CLSTN2: variants seen among roughly 807,000 people sequenced by gnomAD.
CLSTN2 encodes the protein calsyntenin 2, also known as calsyntenin-2.
Under a neutral mutation model 101.2 loss-of-function variants are expected in CLSTN2, and 48 were observed. That is an observed-to-expected ratio of 0.47 (90% CI 0.38 to 0.60). CLSTN2 has a LOEUF of 0.60. CLSTN2 is among the 20% of genes least tolerant of loss of function. CLSTN2 has a pLI of 0.00. For missense variants in CLSTN2, 1,160 were observed against 1,238.2 expected, an observed-to-expected ratio of 0.94 and a Z score of 0.95; for synonymous variants, 481 against 463.6, an observed-to-expected ratio of 1.04 and a Z score of -0.48.
chr3:140,152,749 G>T (rs957948519), intron 1 of CLSTN2, among the ~76,000 whole-genome samples: 25 of 152,074 alleles, frequency 1.6e-4, no homozygotes, highest in Non-Finnish European at 2.2e-4. Flanking sequence ...TAAGTATAAG[G>T]TTTATAATTT....
chr3:140,387,616 C>G (rs893794755), intron 2 of CLSTN2, among the ~76,000 whole-genome samples: 1 of 152,118 alleles, frequency 6.6e-6, no homozygotes, highest in African/African-American at 2.4e-5. Context: ...TCTCTCTGCC[C>G]GAAGTGGCCC....
chr3:140,238,012 C>A (rs563307395), intron 2 of CLSTN2, among the ~76,000 whole-genome samples: 2 of 152,242 alleles, frequency 1.3e-5, no homozygotes, highest in East Asian at 3.9e-4. Context: ...AATTACAGAG[C>A]AAGGACATCA....
intron 8 of CLSTN2, among the ~76,000 whole-genome samples, chr3:140,498,153 A>G (rs1419688046): frequency 1.3e-5 from 2 of 152,220 alleles, no homozygotes; most frequent in African/African-American, 4.8e-5. Context: ...ACATTTTCTA[A>G]TAATCTAAAG....
At chr3:140,393,773 C>T (rs2088148790) in intron 2 of CLSTN2, among the ~76,000 whole-genome samples, 1 of 152,110 alleles carries the variant, frequency 6.6e-6, no homozygotes, top group East Asian at 1.9e-4. Context: ...TTCTCTACTC[C>T]TGCTTGACAG....
intron 2 of CLSTN2, among the ~76,000 whole-genome samples, chr3:140,234,498 T>C (rs1286604670): frequency 6.6e-6 from 1 of 152,122 alleles, no homozygotes; most frequent in Non-Finnish European, 1.5e-5. Context: ...GCTACCAAGG[T>C]CATAGTGGAG....
chr3:140,156,630 T>A (rs1270502995), intron 1 of CLSTN2, among the ~76,000 whole-genome samples: 1 of 152,180 alleles, frequency 6.6e-6, no homozygotes, highest in African/African-American at 2.4e-5. Context: ...AGTGTGGGGA[T>A]ACTGAGGCAT....
intron 2 of CLSTN2, among the ~76,000 whole-genome samples, chr3:140,289,408 T>C (rs1423863554): frequency 6.6e-6 from 1 of 152,052 alleles, no homozygotes; most frequent in East Asian, 1.9e-4. Context: ...AATCCACTGA[T>C]TTGTATTTTT....
chr3:140,220,851 T>C (rs987930319), intron 2 of CLSTN2, among the ~76,000 whole-genome samples: 1 of 152,234 alleles, frequency 6.6e-6, no homozygotes, highest in Non-Finnish European at 1.5e-5. Context: ...TGCCTCTATG[T>C]GCCCGGGACT....
At chr3:140,171,724 TTA>T (rs1401385659) in intron 1 of CLSTN2, among the ~76,000 whole-genome samples, 4 of 111,996 alleles carry the variant, frequency 3.6e-5, no homozygotes, top group Admixed American at 1.2e-4. Context: ...GTATTATATA[TTA>T]TATATAATAT....
At chr3:140,276,152 G>A (rs2086792693) in intron 2 of CLSTN2, among the ~76,000 whole-genome samples, 1 of 152,168 alleles carries the variant, frequency 6.6e-6, no homozygotes. Context: ...TCCCCATGAG[G>A]TGTAGCTCCA....
At chr3:140,264,412 ATAT>A (rs1403818022) in intron 2 of CLSTN2, among the ~76,000 whole-genome samples, 6 of 65,592 alleles carry the variant, frequency 9.1e-5, no homozygotes, top group African/African-American at 3.0e-4. Context: ...ATATATATAT[ATAT>A]ATATATATAT....
chr3:140,081,975 C>T (rs2008606357), intron 1 of CLSTN2, among the ~76,000 whole-genome samples: 1 of 152,176 alleles, frequency 6.6e-6, no homozygotes, highest in South Asian at 2.1e-4. Flanking sequence ...TGGCTCACCA[C>T]CCTCCACCTA....
chr3:140,193,888 T>G (rs1684409348), intron 2 of CLSTN2, among the ~76,000 whole-genome samples: 1 of 152,174 alleles, frequency 6.6e-6, no homozygotes, highest in Non-Finnish European at 1.5e-5. Context: ...TGTGCATTGA[T>G]TCTTTCCTCC....
At chr3:140,109,794 A>G (rs920291891) in intron 1 of CLSTN2, among the ~76,000 whole-genome samples, 115 of 152,250 alleles carry the variant, frequency 7.6e-4, no homozygotes, top group African/African-American at 2.6e-3. Flanking sequence ...ATGCCTGAGA[A>G]CTTGGATTTT....
At chr3:139,954,962 G>A (rs1560052881) in intron 1 of CLSTN2, among the ~76,000 whole-genome samples, 1 of 151,548 alleles carries the variant, frequency 6.6e-6, no homozygotes, top group African/African-American at 2.4e-5. Flanking sequence ...TTAAATGGAT[G>A]GGATTTAGTA....
chr3:140,421,126 C>T lies in CLSTN2; in HGVS notation c.639C>T (p.Gly213=). 1 of 1,613,414 alleles carries T rather than the reference C, an allele frequency of 6.2e-7. No homozygotes were observed. The highest frequency in any genetic ancestry group is 8.5e-7 in the Non-Finnish European group (1 of 1,179,768). The change falls in exon 5 of 17, where the codon GGC becomes GGT. Residue 213 remains glycine (G), a splice_region_variant and synonymous_variant. Transcript: ENST00000458420. ...TDVPFAIDRN[G]NIRNTEKLSY... Reference sequence around the variant, plus strand: ...CTTTTGAACATCTCTGTTCCTCAGGCAACATCAGGAACACTGAGAAGCTGA... The same window carrying T: ...CTTTTGAACATCTCTGTTCCTCAGGTAACATCAGGAACACTGAGAAGCTGA...
At chr3:140,422,917 G>A (rs961012922) in intron 5 of CLSTN2, among the ~76,000 whole-genome samples, 4 of 152,202 alleles carry the variant, frequency 2.6e-5, no homozygotes, top group African/African-American at 9.6e-5. Context: ...AAAGGTATAT[G>A]AGTTAAGAAG....
At chr3:140,392,990 C>A (rs926502280) in intron 2 of CLSTN2, among the ~76,000 whole-genome samples, 11 of 152,108 alleles carry the variant, frequency 7.2e-5, no homozygotes, top group African/African-American at 2.7e-4. Context: ...TGTTGTCATT[C>A]AAGTCTCTTT....
intron 5 of CLSTN2, among the ~76,000 whole-genome samples, chr3:140,447,717 CA>C (rs1358041814): frequency 1.3e-5 from 2 of 152,178 alleles, no homozygotes; most frequent in Admixed American, 6.5e-5. Context: ...TATAACAAGG[CA>C]CATGCCTTCC....
Sources: gnomAD v4.1 joint callset for allele counts (sites outside exome capture counted in the v4.1 genomes callset) on GRCh38, gnomAD v4.1.1 for gene constraint, MANE v1.5 for transcripts, NCBI Gene and HGNC (gene_info 2026-07-23, HGNC 2026-07-21) for gene names.